The following ATP6V1E1 variants were observed in gnomAD, a reference collection of about 807,000 sequenced individuals.
ATP6V1E1 encodes V-type proton ATPase subunit E 1.
Under a neutral mutation model 35.2 loss-of-function variants are expected in ATP6V1E1, and 21 were observed. The observed-to-expected ratio is 0.60, with a 90% confidence interval of 0.42 to 0.86. The LOEUF (loss-of-function observed/expected upper bound fraction) is 0.86. Ranked by LOEUF, ATP6V1E1 falls within the 40% of genes least tolerant of loss-of-function variation. ATP6V1E1 has a pLI of 0.00. For missense variants in ATP6V1E1, 183 were observed against 272.6 expected (o/e 0.67, Z 2.32); for synonymous variants, 83 against 87.8 (o/e 0.95, Z 0.30).
At chr22:17,627,446 A>C (rs2057918479) in intron 1 of ATP6V1E1, among the ~76,000 whole-genome samples, 1 of 151,870 alleles carries the variant, frequency 6.6e-6, no homozygotes, top group Non-Finnish European at 1.5e-5. Flanking sequence ...GTATCTCACA[A>C]ATGTTAACAC....
intron 8 of ATP6V1E1, among the ~76,000 whole-genome samples, chr22:17,593,670 T>C (rs1569200412): frequency 6.6e-6 from 1 of 152,182 alleles, no homozygotes; most frequent in Non-Finnish European, 1.5e-5. Context: ...TACCAGAATA[T>C]GAAAAAATCA....
upstream of ATP6V1E1, chr22:17,628,753 C>T: frequency 7.0e-7 from 1 of 1,424,052 alleles, no homozygotes. Context: ...ACTTTATAAC[C>T]GCGGGTTCCG....
At chr22:17,611,923 T>C (rs553976884) in intron 4 of ATP6V1E1, among the ~76,000 whole-genome samples, 2 of 152,326 alleles carry the variant, frequency 1.3e-5, no homozygotes, top group East Asian at 3.9e-4. Flanking sequence ...TTTATAGCTG[T>C]TTTCATATAG....
In ATP6V1E1 at chr22:17,609,366, G is replaced by A. The variant is rs189158073; in HGVS notation, c.276+3446C>T. Among the ~76,000 whole-genome samples the A allele has an allele frequency of 3.8e-4, 57 of 149,788 alleles. No individual in the cohort carries two copies. The East Asian group carries it at 9.9e-3, about 26-fold the overall frequency. On this transcript the variant is annotated intron_variant, in intron 4 of 8. Transcript: ENST00000253413. The stretch of plus-strand genomic sequence containing the variant: ...TTAGTAGAGACAGGGCACCACATTG[G>A]CCGGGCTGGTCTCAAACTCCTGACC...
chr22:17,601,667 G>C (rs887487540), intron 4 of ATP6V1E1, among the ~76,000 whole-genome samples: 2 of 152,092 alleles, frequency 1.3e-5, no homozygotes, highest in Admixed American at 6.6e-5. Flanking sequence ...GAGTGCAATG[G>C]TGCAATCTCG....
At chr22:17,611,273 A>C (rs2057814236) in intron 4 of ATP6V1E1, among the ~76,000 whole-genome samples, 1 of 152,250 alleles carries the variant, frequency 6.6e-6, no homozygotes, top group Non-Finnish European at 1.5e-5. Flanking sequence ...AACATTTTGC[A>C]GGCAACATTT....
At chr22:17,592,798 A>ATAT in intron 8 of ATP6V1E1, 62 bp from the exon 9 acceptor site, 6 of 1,158,614 alleles carry the variant, frequency 5.2e-6, no homozygotes, top group African/African-American at 1.9e-5. Flanking sequence ...AGCGCTGCAC[A>ATAT]TCTTTTTTTT....
chr22:17,598,298 T>C lies in ATP6V1E1; in HGVS notation c.436-10A>G, dbSNP rs369727709. 1.4e-5 allele frequency: 22 copies of C among 1,600,880 alleles called. No homozygotes were observed. Among genetic ancestry groups the C allele is most frequent in the East Asian group, 8.9e-5 (4 of 44,808 alleles). ...CCTTCTGCACTGCAGCCTGGAAGTA[T>C]AGAACACAATGAGAGGTGTCACTAG... On this transcript the variant is annotated splice_polypyrimidine_tract_variant and intron_variant, in intron 6 of 8. Coordinates refer to ENST00000253413, the MANE Select transcript of ATP6V1E1 (RefSeq NM_001696.4).
Position 17,592,384 on chromosome 22 carries a change from C to T in ATP6V1E1, c.*290G>A. The T allele has an allele frequency of 2.4e-6, 1 of 424,050 alleles. No homozygotes were observed. The highest frequency in any genetic ancestry group is 4.3e-6 in the Non-Finnish European group (1 of 230,606). 26.3% of individuals were successfully genotyped at this position (424,050 alleles called of 1,614,324 possible). A position where few individuals can be genotyped will look rare whatever the true frequency, so the allele number is the denominator to read the frequency against. ...TTAGGCCAGACGGAGAGTGGAGACC[C>T]AGGAAGCCCATGCAACCACCATCTG... On this transcript the variant is annotated 3_prime_UTR_variant, in exon 9 of 9. Coordinates refer to ENST00000253413, the MANE Select transcript of ATP6V1E1 (RefSeq NM_001696.4).
rs368230662 is a variant in ATP6V1E1 at position 17,623,485 on chromosome 22, A to G, written c.34-3959T>C. ...CAGGAGTTCAAGACCAGCCTGACCA[A>G]CATGGTGAAACCTGGTCTCTACTAA... is the stretch of plus-strand genomic sequence containing the variant. On this transcript the variant is annotated intron_variant, in intron 1 of 8. Transcript: ENST00000253413. Among the ~76,000 whole-genome samples the G allele has an allele frequency of 4.6e-5, 7 of 152,124 alleles. No individual in the cohort carries two copies. The East Asian group carries it at 7.7e-4, about 17-fold the overall frequency.
chr22:17,613,537 G>A (rs1176761541), intron 2 of ATP6V1E1, among the ~76,000 whole-genome samples: 1 of 151,612 alleles, frequency 6.6e-6, no homozygotes, highest in African/African-American at 2.4e-5. Flanking sequence ...ATTTCGTCAA[G>A]GGTAACAGTA....
chr22:17,598,363 CA>C (rs2057743887), intron 6 of ATP6V1E1, 75 bp from the exon 7 acceptor site: 1 of 1,185,876 alleles, frequency 8.4e-7, no homozygotes, highest in African/African-American at 1.5e-5. Context: ...ACAGACTATA[CA>C]AGCAAGGATA....
chr22:17,619,363 C>A, intron 2 of ATP6V1E1, 98 bp downstream of exon 2: 2 of 1,047,982 alleles, frequency 1.9e-6, no homozygotes, highest in Non-Finnish European at 1.4e-6. Flanking sequence ...CAGTCCGATG[C>A]AATCTGTTGT....
rs1293648710 is a variant in ATP6V1E1 at position 17,612,965 on chromosome 22, T to A, written c.210-87A>T. ...AACTCCTGGGCTCAAGCAATCCTCC[T>A]CCCTTGGCCTCCCCAAAGCACCAGG... is the stretch of plus-strand genomic sequence containing the variant. On this transcript the variant is annotated intron_variant, in intron 3 of 8. Coordinates refer to ENST00000253413, the MANE Select transcript of ATP6V1E1 (RefSeq NM_001696.4). The A allele has an allele frequency of 3.2e-6, 4 of 1,253,660 alleles. No individual in the cohort carries two copies. In the African/African-American group the frequency reaches 6.1e-5, roughly 19 times the overall value. 77.7% of individuals were successfully genotyped at this position (1,253,660 alleles called of 1,614,324 possible).
intron 7 of ATP6V1E1, among the ~76,000 whole-genome samples, chr22:17,595,467 G>A (rs2073616572): frequency 6.6e-6 from 1 of 152,128 alleles, no homozygotes. Context: ...TCATCTGAAT[G>A]TTTTCTTAAG....
chr22:17,593,495 G>C (rs1164981919), intron 8 of ATP6V1E1, among the ~76,000 whole-genome samples: 1 of 152,140 alleles, frequency 6.6e-6, no homozygotes, highest in Non-Finnish European at 1.5e-5. Context: ...ACTTAACCCT[G>C]GACTTCCAAG....
At chr22:17,603,232 G>T (rs2057770240) in intron 4 of ATP6V1E1, among the ~76,000 whole-genome samples, 1 of 152,164 alleles carries the variant, frequency 6.6e-6, no homozygotes, top group Admixed American at 6.6e-5. Context: ...TTACAGGTGT[G>T]AGCCACCATG....
At chr22:17,613,510 G>A (rs535679472) in intron 2 of ATP6V1E1, among the ~76,000 whole-genome samples, 190 bp from the exon 3 acceptor site, 3 of 151,550 alleles carry the variant, frequency 2.0e-5, no homozygotes, top group Non-Finnish European at 3.0e-5. Flanking sequence ...TATAAATGAC[G>A]TACTAGGAAA....
Position 17,626,666 on chromosome 22 carries a change from G to T in ATP6V1E1, c.33+1937C>A, listed in dbSNP as rs188162752. On this transcript the variant is annotated intron_variant, in intron 1 of 8. Coordinates refer to ENST00000253413, the MANE Select transcript of ATP6V1E1 (RefSeq NM_001696.4). ...CCTGCCTCAGCCTCCTAGTAGTTGG[G>T]ATTACAGGCATATGCCAGCACGCCC... Among the ~76,000 whole-genome samples the T allele has an allele frequency of 4.0e-3, 612 of 152,088 alleles. 3 individuals are homozygous for T. Among genetic ancestry groups the T allele is most frequent in the African/African-American group, 0.013 (542 of 41,520 alleles).
Sources: gnomAD v4.1 joint callset for allele counts (sites outside exome capture counted in the v4.1 genomes callset) on GRCh38, gnomAD v4.1.1 for gene constraint, MANE v1.5 for transcripts, NCBI Gene and HGNC (gene_info 2026-07-23, HGNC 2026-07-21) for gene names.